DNAH6: variants seen among roughly 807,000 people sequenced by gnomAD.
DNAH6 encodes the protein axonemal beta dynein heavy chain 6.
In DNAH6, 340 loss-of-function variants were observed where a neutral mutation model predicts 491.4. The ratio of observed to expected loss-of-function variants is 0.69; its 90% confidence interval spans 0.63 to 0.76. The LOEUF (loss-of-function observed/expected upper bound fraction) is 0.76, where lower values mean the gene tolerates loss of function less well. DNAH6 is among the 30% of genes least tolerant of loss of function. The pLI, the probability that DNAH6 is intolerant of heterozygous loss-of-function variation, is 0.00. For missense variants in DNAH6, 4,443 were observed against 4,972.2 expected, an observed-to-expected ratio of 0.89 and a Z score of 3.20; for synonymous variants, 1,603 against 1,686.1, an observed-to-expected ratio of 0.95 and a Z score of 1.21.
chr2:84,480,429 A>T, the DNAH6 span, among the ~76,000 whole-genome samples: 1 of 152,228 alleles, frequency 6.6e-6, no homozygotes, highest in Non-Finnish European at 1.5e-5. Flanking sequence ...CCTCAGTTTT[A>T]TATCTCACCT....
At chr2:84,735,325 T>C (rs968817921) in intron 62 of DNAH6, among the ~76,000 whole-genome samples, 1 of 152,246 alleles carries the variant, frequency 6.6e-6, no homozygotes, top group African/African-American at 2.4e-5. Flanking sequence ...TGATTCCATG[T>C]ATTTGCTGTT....
rs565295055 is a variant in DNAH6 at position 84,719,766 on chromosome 2, C to G, written c.9792+1382C>G. On this transcript the variant is annotated intron_variant, in intron 59 of 76. Transcript: ENST00000389394. ...CTTAAACTCCTAGCCTCAAGCAATC[C>G]TCCTGCCTTGGCCTCCCAAAGTGTC... Among the ~76,000 whole-genome samples the G allele has an allele frequency of 1.2e-4, 18 of 152,144 alleles. No individual in the cohort carries two copies. The South Asian group carries it at 3.7e-3, about 32-fold the overall frequency.
At chr2:84,539,705 T>A (rs1678054065) in intron 4 of DNAH6, among the ~76,000 whole-genome samples, 1 of 152,184 alleles carries the variant, frequency 6.6e-6, no homozygotes, top group African/African-American at 2.4e-5. Flanking sequence ...CTCATGCTGC[T>A]CTTCCAAGGA....
At chr2:84,541,482 T>A (rs1678235215) in intron 4 of DNAH6, among the ~76,000 whole-genome samples, 2 of 152,284 alleles carry the variant, frequency 1.3e-5, no homozygotes, top group Admixed American at 1.3e-4. Flanking sequence ...AAGGTGGATG[T>A]GGCCATTGAC....
chr2:84,593,163 G>C (rs1294314526), intron 16 of DNAH6, among the ~76,000 whole-genome samples: 1 of 152,114 alleles, frequency 6.6e-6, no homozygotes, highest in Non-Finnish European at 1.5e-5. Context: ...AAATGAAACT[G>C]TGTCTTCCTC....
intron 37 of DNAH6, among the ~76,000 whole-genome samples, chr2:84,666,200 G>T (rs904725164): frequency 4.6e-5 from 7 of 152,144 alleles, no homozygotes; most frequent in Non-Finnish European, 8.8e-5. Flanking sequence ...ACAAGACAGG[G>T]TTGCCCTCTC....
At chr2:84,811,947 AGGT>A (rs1224780995) in intron 72 of DNAH6, among the ~76,000 whole-genome samples, 1 of 151,592 alleles carries the variant, frequency 6.6e-6, no homozygotes, top group Non-Finnish European at 1.5e-5. Context: ...CAGTAGCATG[AGGT>A]GGTTCTCACT....
In DNAH6 at chr2:84,762,849, T is replaced by C. The variant is rs1674719776; in HGVS notation, c.10607T>C (p.Met3536Thr). ...GACCTGCCTACCCTGTATCAAGACA[T>C]GTCATGCAACACTCCCCTGGTATTC... Reference protein sequence around the residue: ...PVDLPTLYQDMSCNTPLVFIL... With the variant: ...PVDLPTLYQDTSCNTPLVFIL... Residue 3536 changes from methionine (M) to threonine (T), a missense_variant, in exon 64 of 77, where the codon ATG becomes ACG. By Grantham distance (81) the Met-to-Thr change is moderately conservative. This residue lies in a region of DNAH6 where 1,463 missense variants were observed against 1,656.6 expected (regional missense o/e 0.88). Transcript: ENST00000389394. 4 of 1,551,276 alleles carry C rather than the reference T, an allele frequency of 2.6e-6. No homozygotes were observed. In the East Asian group the frequency reaches 9.8e-5, roughly 38 times the overall value.
chr2:84,738,902 C>G (rs1161531172), intron 62 of DNAH6, among the ~76,000 whole-genome samples: 1 of 152,080 alleles, frequency 6.6e-6, no homozygotes, highest in African/African-American at 2.4e-5. Flanking sequence ...GCTTTGTAGT[C>G]TTTATTGTAT....
chr2:84,703,041 C>T (rs1415260843), intron 49 of DNAH6, among the ~76,000 whole-genome samples: 1 of 152,210 alleles, frequency 6.6e-6, no homozygotes, highest in East Asian at 1.9e-4. Flanking sequence ...CCCAGAGCTG[C>T]AGCCTCCAGG....
rs756059521 is a variant in DNAH6 at position 84,552,976 on chromosome 2, C to G, written c.1544C>G (p.Thr515Arg). ...GAATCTCTCATCCCCATGTTTCTCA[C>G]AGAACTAATGTTGACAGTCCAGTCA... ...EDESLIPMFL[T>R]ELMLTVQSLL... The change falls in exon 10 of 77, where the codon ACA becomes AGA. Residue 515 changes from threonine (T) to arginine (R), a missense_variant. By Grantham distance (71) the Thr-to-Arg change is moderately conservative (BLOSUM62 -1). Transcript: ENST00000389394. 4.3e-6 allele frequency: 7 copies of G among 1,612,136 alleles called. No individual in the cohort carries two copies. The highest frequency in any genetic ancestry group is 5.9e-6 in the Non-Finnish European group (7 of 1,179,276).
At chr2:84,798,623 C>T (rs1678566732) in intron 70 of DNAH6, among the ~76,000 whole-genome samples, 1 of 152,226 alleles carries the variant, frequency 6.6e-6, no homozygotes, top group Non-Finnish European at 1.5e-5. Flanking sequence ...CAGGCCCCAC[C>T]ACCACTGCTA....
In DNAH6 at chr2:84,694,388, A is replaced by G; in HGVS notation, c.7432A>G (p.Asn2478Asp). The G allele has an allele frequency of 6.4e-7, 1 of 1,552,362 alleles. No homozygotes were observed. Among genetic ancestry groups the G allele is most frequent in the Non-Finnish European group, 8.7e-7 (1 of 1,147,140 alleles). Reference sequence around the variant, plus strand: ...GCAGATTGAACTCAGCCGGGGATATAATTATGATAGTTTTCATGAAGACCT... The same window carrying G: ...GCAGATTGAACTCAGCCGGGGATATGATTATGATAGTTTTCATGAAGACCT... ...CLQIELSRGY[N>D]YDSFHEDLRK... The change falls in exon 46 of 77, where the codon AAT becomes GAT. Residue 2478 changes from asparagine to aspartate, a missense_variant. By Grantham distance (23) the Asn-to-Asp change is conservative. This residue lies in a region of DNAH6 where 2,977 missense variants were observed against 3,296.6 expected (regional missense o/e 0.90). Coordinates refer to ENST00000389394, the MANE Select transcript of DNAH6 (RefSeq NM_001370.2).
intron 4 of DNAH6, among the ~76,000 whole-genome samples, chr2:84,532,972 T>C (rs1192182290): frequency 6.6e-6 from 1 of 152,172 alleles, no homozygotes; most frequent in Non-Finnish European, 1.5e-5. Flanking sequence ...CAGATATCAG[T>C]GTTTGCTGTA....
rs999214725 is a variant in DNAH6 at position 84,733,614 on chromosome 2, A to G, written c.10342+35A>G. ...CAAAAAGAACCTGCTGAGGAGGCTT[A>G]TAAACAGGCTCTTGAATCCTAATCT... On this transcript the variant is annotated intron_variant, in intron 62 of 76. Coordinates refer to ENST00000389394, the MANE Select transcript of DNAH6 (RefSeq NM_001370.2). The G allele has an allele frequency of 1.4e-5, 22 of 1,537,140 alleles. No homozygotes were observed. In the Admixed American group the frequency reaches 2.0e-4, roughly 14 times the overall value.
the DNAH6 span, among the ~76,000 whole-genome samples, chr2:84,499,958 A>C: frequency 1.3e-5 from 2 of 151,384 alleles, no homozygotes; most frequent in Non-Finnish European, 2.9e-5. Context: ...TCAAATGGGT[A>C]GTTTGCAACC....
intron 63 of DNAH6, among the ~76,000 whole-genome samples, chr2:84,749,636 A>G (rs1673281120): frequency 6.6e-6 from 1 of 152,220 alleles, no homozygotes; most frequent in Non-Finnish European, 1.5e-5. Flanking sequence ...TGCAGTAGAT[A>G]AATCAGTAAC....
At chr2:84,565,815 T>C (rs1319693299) in intron 11 of DNAH6, among the ~76,000 whole-genome samples, 1 of 152,092 alleles carries the variant, frequency 6.6e-6, no homozygotes, top group African/African-American at 2.4e-5. Context: ...TAGCCAAGTC[T>C]TGTTGAATTG....
At chr2:84,718,128 A>G in intron 58 of DNAH6, 76 bp from the exon 59 acceptor site, 1 of 1,253,252 alleles carries the variant, frequency 8.0e-7, no homozygotes, top group East Asian at 2.6e-5. Flanking sequence ...AACGATTACA[A>G]ACAGAGAAAG....
Sources: gnomAD v4.1 joint callset for allele counts (sites outside exome capture counted in the v4.1 genomes callset) on GRCh38, gnomAD v4.1.1 for gene constraint, gnomAD v4.1.1 regional missense constraint, MANE v1.5 for transcripts, NCBI Gene and HGNC (gene_info 2026-07-23, HGNC 2026-07-21) for gene names.